RALGPS1: variants seen among roughly 807,000 people sequenced by gnomAD.
RALGPS1 encodes ras-specific guanine nucleotide-releasing factor RalGPS1.
RALGPS1 carries 19 observed loss-of-function variants against 78.8 expected under a neutral mutation model. The observed-to-expected ratio is 0.24, with a 90% CI of 0.17 to 0.35. The LOEUF is 0.35. Ranked by LOEUF, RALGPS1 falls within the 10% of genes least tolerant of loss-of-function variation. The pLI is 1.00. For missense variants in RALGPS1, 454 were observed against 688.3 expected (o/e 0.66, Z 3.81); for synonymous variants, 228 against 256.3 (o/e 0.89, Z 1.06).
intron 8 of RALGPS1, among the ~76,000 whole-genome samples, chr9:127,118,318 A>G (rs1329375753): frequency 2.0e-5 from 3 of 152,240 alleles, no homozygotes; most frequent in Non-Finnish European, 4.4e-5. Context: ...CAGTTTTGTC[A>G]TAGAAACTAC....
chr9:126,965,443 AT>A (rs5900735), intron 2 of RALGPS1, among the ~76,000 whole-genome samples: 89,009 of 151,984 alleles, frequency 0.59, 30,166 homozygotes, highest in East Asian at 0.81. Context: ...TTGGGCTGTA[AT>A]TTTTTTACCC....
At chr9:127,020,925 G>A (rs954304304) in intron 4 of RALGPS1, among the ~76,000 whole-genome samples, 1 of 152,194 alleles carries the variant, frequency 6.6e-6, no homozygotes, top group African/African-American at 2.4e-5. Flanking sequence ...CTATTTCATA[G>A]GGGTGTTGTG....
chr9:127,149,580 C>A (rs1368093869), intron 8 of RALGPS1, among the ~76,000 whole-genome samples: 2 of 152,246 alleles, frequency 1.3e-5, no homozygotes, highest in Non-Finnish European at 2.9e-5. Context: ...GAGGGCAAGG[C>A]CTGTGTGCCT....
chr9:126,986,333 A>G (rs1424940189), intron 4 of RALGPS1, among the ~76,000 whole-genome samples: 1 of 152,228 alleles, frequency 6.6e-6, no homozygotes. Context: ...GTAGCATAAT[A>G]TCTCACAGCT....
chr9:126,977,844 C>A, intron 4 of RALGPS1, 99 bp downstream of exon 4: 1 of 802,636 alleles, frequency 1.2e-6, no homozygotes, highest in Non-Finnish European at 2.0e-6. Context: ...CTCTTGCAGG[C>A]TCTATAAATG....
chr9:127,051,552 T>C (rs945508374), intron 6 of RALGPS1, among the ~76,000 whole-genome samples: 5 of 152,212 alleles, frequency 3.3e-5, no homozygotes, highest in African/African-American at 1.2e-4. Flanking sequence ...TAGAATGAAA[T>C]TCAGTTCACT....
chr9:127,144,786 C>T (rs915205900), intron 8 of RALGPS1, among the ~76,000 whole-genome samples: 7 of 152,128 alleles, frequency 4.6e-5, no homozygotes, highest in African/African-American at 1.4e-4. Context: ...ATGAAATGTC[C>T]AGAATCAGTA....
chr9:126,993,503 C>T lies in RALGPS1; in HGVS notation c.216+15758C>T, dbSNP rs1018061352. Among the ~76,000 whole-genome samples, 4 of 150,070 alleles carry T rather than the reference C, an allele frequency of 2.7e-5. No individual in the cohort carries two copies. In the East Asian group the frequency reaches 7.7e-4, roughly 29 times the overall value. ...TGGTAGATATCACCAGTAGAGCCAC[C>T]TAGGTCTGGAGTTTTCTCTGTGGAA... On this transcript the variant is annotated intron_variant, in intron 4 of 18. Coordinates refer to ENST00000259351, the MANE Select transcript of RALGPS1 (RefSeq NM_014636.3).
rs868368843 is a variant in RALGPS1 at position 127,089,425 on chromosome 9, G to T, written c.610+20069G>T. Among the ~76,000 whole-genome samples the T allele has an allele frequency of 4.6e-5, 7 of 152,182 alleles. No individual in the cohort carries two copies. In the South Asian group the frequency reaches 6.2e-4, roughly 14 times the overall value. On this transcript the variant is annotated intron_variant, in intron 8 of 18. Coordinates refer to ENST00000259351, the MANE Select transcript of RALGPS1 (RefSeq NM_014636.3). ...ATAAAAATGACGCCTGCCGCACAGG[G>T]CGGCTCTGAGGATTGAATGAGGATG...
chr9:127,028,122 A>G (rs949429537), intron 4 of RALGPS1, among the ~76,000 whole-genome samples: 2 of 152,252 alleles, frequency 1.3e-5, no homozygotes, highest in African/African-American at 2.4e-5. Flanking sequence ...TGCCAGAGGC[A>G]CTGTGCCCCA....
chr9:126,978,606 C>G (rs1362762501), intron 4 of RALGPS1, among the ~76,000 whole-genome samples: 1 of 110,604 alleles, frequency 9.0e-6, no homozygotes. Flanking sequence ...GAGACTCTGT[C>G]AAAAAAAAAA....
chr9:126,958,324 T>C (rs2038566264), intron 1 of RALGPS1, among the ~76,000 whole-genome samples: 1 of 151,824 alleles, frequency 6.6e-6, no homozygotes, highest in African/African-American at 2.4e-5. Flanking sequence ...CTTCTAATGG[T>C]ATAATTGTAT....
chr9:127,123,939 G>A (rs570412015), intron 8 of RALGPS1, among the ~76,000 whole-genome samples: 6 of 152,250 alleles, frequency 3.9e-5, no homozygotes, highest in African/African-American at 1.2e-4. Flanking sequence ...TTTTTAAAAA[G>A]GTGTTAGTGA....
At chr9:126,928,484 C>T (rs2035504769) in intron 1 of RALGPS1, among the ~76,000 whole-genome samples, 1 of 152,124 alleles carries the variant, frequency 6.6e-6, no homozygotes, top group South Asian at 2.1e-4. Context: ...CAGTACAGAA[C>T]ATAAAATGCT....
At chr9:126,925,172 A>G (rs1322416764) in intron 1 of RALGPS1, among the ~76,000 whole-genome samples, 2 of 152,016 alleles carry the variant, frequency 1.3e-5, no homozygotes, top group Non-Finnish European at 2.9e-5. Flanking sequence ...AAATAAAAAT[A>G]CAGATCTGGT....
intron 13 of RALGPS1, among the ~76,000 whole-genome samples, chr9:127,197,979 C>CAA (rs1380176426): frequency 6.6e-6 from 1 of 152,168 alleles, no homozygotes; most frequent in Non-Finnish European, 1.5e-5. Flanking sequence ...AGCTGGGCGG[C>CAA]AAAACAGCTG....
intron 4 of RALGPS1, among the ~76,000 whole-genome samples, chr9:127,028,218 A>G (rs747619808): frequency 6.6e-6 from 1 of 152,148 alleles, no homozygotes; most frequent in African/African-American, 2.4e-5. Context: ...GCTTTGGTCT[A>G]TGCCTTCATG....
intron 8 of RALGPS1, among the ~76,000 whole-genome samples, chr9:127,104,898 G>A (rs1480415781): frequency 1.3e-5 from 2 of 152,262 alleles, no homozygotes; most frequent in Non-Finnish European, 2.9e-5. Context: ...GCACAGAAGA[G>A]TGTTTTGTCT....
chr9:127,082,881 G>A (rs2051313958), intron 8 of RALGPS1, among the ~76,000 whole-genome samples: 1 of 152,250 alleles, frequency 6.6e-6, no homozygotes, highest in Admixed American at 6.5e-5. Context: ...GAACCCTGTT[G>A]CCCCCTGTAT....
Sources: allele counts gnomAD v4.1 joint callset (sites outside exome capture counted in the v4.1 genomes callset), GRCh38; gene constraint gnomAD v4.1.1; transcripts MANE v1.5; gene names NCBI Gene and HGNC (gene_info 2026-07-23, HGNC 2026-07-21).